Variants in SIPA1L2 observed in about 807,000 individuals in gnomAD.
SIPA1L2 encodes the protein signal-induced proliferation-associated 1-like protein 2.
A neutral mutation model predicts 163.9 loss-of-function variants in SIPA1L2; 56 were observed. That is an observed-to-expected ratio of 0.34 (90% confidence interval 0.28 to 0.43). The LOEUF is 0.43. Ranked by LOEUF, SIPA1L2 falls within the 20% of genes least tolerant of loss-of-function variation. SIPA1L2 has a pLI of 1.00. For synonymous variants in SIPA1L2, 877 were observed against 865.7 expected, an observed-to-expected ratio of 1.01 and a Z score of -0.23; for missense variants, 1,974 against 2,193.5, an observed-to-expected ratio of 0.90 and a Z score of 2.00.
chr1:232,614,913 A>C (rs910031879), intron 1 of SIPA1L2, among the ~76,000 whole-genome samples: 2 of 152,206 alleles, frequency 1.3e-5, no homozygotes, highest in Non-Finnish European at 2.9e-5. Flanking sequence ...CAAGAACATG[A>C]ACACTCCAAT....
At chr1:232,581,598 G>A (rs1195829555) in intron 1 of SIPA1L2, among the ~76,000 whole-genome samples, 2 of 152,144 alleles carry the variant, frequency 1.3e-5, no homozygotes, top group African/African-American at 4.8e-5. Context: ...TTCTTTGACT[G>A]ATAACCAACA....
chr1:232,436,452 G>T (rs958674644), intron 15 of SIPA1L2, among the ~76,000 whole-genome samples: 37 of 152,200 alleles, frequency 2.4e-4, no homozygotes, highest in African/African-American at 8.9e-4. Context: ...GTTTAGGCAG[G>T]ATGGTCACCC....
At chr1:232,533,444 C>A (rs73095189) in intron 2 of SIPA1L2, among the ~76,000 whole-genome samples, 1 of 152,122 alleles carries the variant, frequency 6.6e-6, no homozygotes. Flanking sequence ...CACCACTGGG[C>A]GGGGCAATGA....
At chr1:232,566,100 T>A (rs1270516413) in intron 2 of SIPA1L2, among the ~76,000 whole-genome samples, 1 of 152,216 alleles carries the variant, frequency 6.6e-6, no homozygotes, top group Non-Finnish European at 1.5e-5. Flanking sequence ...CAGTTTTTAA[T>A]TCAGTTTTAA....
At chr1:232,403,293 T>C (rs1660452801) in intron 21 of SIPA1L2, among the ~76,000 whole-genome samples, 155 bp downstream of exon 21, 1 of 152,186 alleles carries the variant, frequency 6.6e-6, no homozygotes. Flanking sequence ...GGGAGCCAAG[T>C]AGTCCCACTC....
intron 10 of SIPA1L2, among the ~76,000 whole-genome samples, chr1:232,449,265 T>C (rs1182784918): frequency 6.6e-6 from 1 of 152,032 alleles, no homozygotes; most frequent in Non-Finnish European, 1.5e-5. Flanking sequence ...ACGCCTGTAA[T>C]CCCAGCACTT....
chr1:232,461,208 C>T, intron 9 of SIPA1L2, 47 bp from the exon 10 acceptor site: 1 of 1,588,722 alleles, frequency 6.3e-7, no homozygotes, highest in Non-Finnish European at 8.6e-7. Flanking sequence ...GCCCAAGCTG[C>T]CATGGGGCTC....
chr1:232,439,557 C>A (rs1662767491), intron 14 of SIPA1L2, 61 bp from the exon 15 acceptor site: 3 of 1,549,106 alleles, frequency 1.9e-6, no homozygotes, highest in Non-Finnish European at 1.7e-6. Flanking sequence ...TGCTTCTCAC[C>A]CTGACTCAGG....
At position 232,403,588 on chromosome 1, in the gene SIPA1L2, C is replaced by T; in HGVS notation, c.4817-17G>A. ...CCCTCTGGTCTGGGGAGGGGAGAAA[C>T]ACACACAGAAAGAAGGGTTAGTAAT... On this transcript the variant is annotated splice_polypyrimidine_tract_variant and intron_variant, in intron 20 of 22. Transcript: ENST00000674635. 1 of 1,605,334 alleles carries T rather than the reference C, an allele frequency of 6.2e-7. No individual in the cohort carries two copies. The highest frequency in any genetic ancestry group is 1.1e-5 in the South Asian group (1 of 89,592).
At chr1:232,598,789 T>G (rs7531054) in intron 1 of SIPA1L2, among the ~76,000 whole-genome samples, 1,943 of 151,884 alleles carry the variant, frequency 0.013, 42 homozygotes, top group African/African-American at 0.045. Flanking sequence ...CTGTCAATAC[T>G]ATCACCTTGG....
chr1:232,433,438 T>A (rs905619615), intron 15 of SIPA1L2, among the ~76,000 whole-genome samples: 8 of 152,188 alleles, frequency 5.3e-5, no homozygotes, highest in African/African-American at 1.9e-4. Flanking sequence ...GAAGGGGTTG[T>A]AATTGGGTAG....
intron 10 of SIPA1L2, among the ~76,000 whole-genome samples, chr1:232,459,363 G>A (rs868323729): frequency 6.6e-6 from 1 of 152,142 alleles, no homozygotes; most frequent in Non-Finnish European, 1.5e-5. Context: ...GAGAGTGCTG[G>A]CTTAAAGGAG....
At chr1:232,592,184 G>T (rs1661004230) in intron 1 of SIPA1L2, among the ~76,000 whole-genome samples, 1 of 152,226 alleles carries the variant, frequency 6.6e-6, no homozygotes, top group Admixed American at 6.5e-5. Flanking sequence ...CACTTACTTA[G>T]AGGCTGTCTG....
At chr1:232,593,874 G>A (rs17805399) in intron 1 of SIPA1L2, among the ~76,000 whole-genome samples, 27,033 of 152,134 alleles carry the variant, frequency 0.18, 2,620 homozygotes, top group African/African-American at 0.21. Flanking sequence ...TTTATACTCC[G>A]TGGACATCCA....
At chr1:232,592,928 G>C (rs1237407526) in intron 1 of SIPA1L2, among the ~76,000 whole-genome samples, 1 of 152,098 alleles carries the variant, frequency 6.6e-6, no homozygotes, top group African/African-American at 2.4e-5. Flanking sequence ...GTAATGAAGA[G>C]AATCAGTTCC....
intron 21 of SIPA1L2, 85 bp downstream of exon 21, chr1:232,403,363 C>T (rs573068985): frequency 6.5e-6 from 10 of 1,534,054 alleles, no homozygotes; most frequent in Middle Eastern, 1.8e-4. Context: ...GGTCGCCCGC[C>T]TGGCTCAGGG....
chr1:232,459,180 A>C (rs897037955), intron 10 of SIPA1L2, among the ~76,000 whole-genome samples: 2 of 152,326 alleles, frequency 1.3e-5, no homozygotes, highest in African/African-American at 4.8e-5. Flanking sequence ...GGTTTAGCTG[A>C]TCTATCCAAT....
At chr1:232,513,060 T>TAAGA (rs1667054010) in intron 3 of SIPA1L2, among the ~76,000 whole-genome samples, 2 of 152,118 alleles carry the variant, frequency 1.3e-5, no homozygotes, top group African/African-American at 4.8e-5. Flanking sequence ...CTGCACCCAA[T>TAAGA]AAGAAGGTGG....
intron 10 of SIPA1L2, among the ~76,000 whole-genome samples, chr1:232,457,729 T>C (rs59313883): frequency 0.12 from 18,000 of 152,164 alleles, 2,255 homozygotes; most frequent in East Asian, 0.58. Flanking sequence ...CCTTAGCCCC[T>C]CCTCTACAGT....
Sources: allele counts gnomAD v4.1 joint callset (sites outside exome capture counted in the v4.1 genomes callset), GRCh38; gene constraint gnomAD v4.1.1; transcripts MANE v1.5; gene names NCBI Gene and HGNC (gene_info 2026-07-23, HGNC 2026-07-21).